HELLS: variants seen among roughly 807,000 people sequenced by gnomAD.
HELLS encodes lymphoid-specific helicase.
A neutral mutation model predicts 120.0 loss-of-function variants in HELLS; 32 were observed. The observed-to-expected ratio is 0.27, with a 90% CI of 0.20 to 0.36. HELLS has a LOEUF of 0.36. Ranked by LOEUF, HELLS falls within the 10% of genes least tolerant of loss-of-function variation. The probability of loss-of-function intolerance (pLI) is 1.00; values close to 1 mark genes in which losing one functional copy is unlikely to be tolerated. For missense variants in HELLS, 650 were observed against 993.4 expected, an observed-to-expected ratio of 0.65 and a Z score of 4.65; for synonymous variants, 341 against 323.4, an observed-to-expected ratio of 1.05 and a Z score of -0.58.
At chr10:94,585,886 T>C (rs1157716818) in intron 12 of HELLS, among the ~76,000 whole-genome samples, 1 of 152,220 alleles carries the variant, frequency 6.6e-6, no homozygotes, top group South Asian at 2.1e-4. Flanking sequence ...TTTTGGTAGA[T>C]GGGTCTTGTA....
intron 9 of HELLS, among the ~76,000 whole-genome samples, chr10:94,608,395 A>T (rs569356566): frequency 6.6e-6 from 1 of 152,104 alleles, no homozygotes; most frequent in Non-Finnish European, 1.5e-5. Flanking sequence ...ATTCTTCTAT[A>T]TCCTTCACTG....
intron 8 of HELLS, 32 bp from the exon 9 acceptor site, chr10:94,574,522 A>G (rs749467555): frequency 6.6e-7 from 1 of 1,505,912 alleles, no homozygotes; most frequent in South Asian, 1.2e-5. Context: ...TTTATATCCA[A>G]GTTTAAATAC....
downstream of HELLS, among the ~76,000 whole-genome samples, chr10:94,604,092 C>T (rs1846099410): frequency 1.4e-5 from 2 of 147,618 alleles, no homozygotes; most frequent in Admixed American, 1.4e-4. Flanking sequence ...TCCCAAAGTG[C>T]TGGGATTGCA....
Position 94,554,121 on chromosome 10 carries a change from G to A in HELLS, c.154-5G>A, listed in dbSNP as rs1159980718. 2 of 1,552,296 alleles carry A rather than the reference G, an allele frequency of 1.3e-6. No homozygotes were observed. Among genetic ancestry groups the A allele is most frequent in the Non-Finnish European group, 8.7e-7 (1 of 1,155,720 alleles). On this transcript the variant is annotated splice_region_variant and splice_polypyrimidine_tract_variant and intron_variant, in intron 2 of 21. Transcript: ENST00000348459. Reference sequence around the variant, plus strand: ...CATAATTATGGAAATTTTCTCTTTGGATAGGCTCGCATGTCTTGGGATAGA... The same window carrying A: ...CATAATTATGGAAATTTTCTCTTTGAATAGGCTCGCATGTCTTGGGATAGA...
intron 6 of HELLS, among the ~76,000 whole-genome samples, chr10:94,566,028 G>C (rs1359611760): frequency 6.6e-6 from 1 of 152,042 alleles, no homozygotes; most frequent in Non-Finnish European, 1.5e-5. Context: ...CAGTAGCAGG[G>C]ACTACATGCC....
intron 12 of HELLS, among the ~76,000 whole-genome samples, chr10:94,585,703 T>G (rs1195128976): frequency 6.6e-6 from 1 of 151,720 alleles, no homozygotes; most frequent in Non-Finnish European, 1.5e-5. Flanking sequence ...TTTTTTTTTT[T>G]TTTAGAGACA....
chr10:94,553,397 C>T (rs201089707), intron 2 of HELLS, among the ~76,000 whole-genome samples: 19 of 151,900 alleles, frequency 1.3e-4, no homozygotes, highest in South Asian at 8.3e-4. Context: ...TACAGGCATG[C>T]GCCACCACGT....
In HELLS at chr10:94,596,972, T is replaced by G. The variant is rs1564618600; in HGVS notation, c.2345+16T>G. 1 of 1,464,870 alleles carries G rather than the reference T, an allele frequency of 6.8e-7. No individual in the cohort carries two copies. The highest frequency in any genetic ancestry group is 1.8e-5 in the Admixed American group (1 of 56,306). The allele number at this position is 1,464,870 out of a possible 1,614,324, so 90.7% of individuals were successfully genotyped here. On this transcript the variant is annotated intron_variant, in intron 20 of 21. Transcript: ENST00000348459. ...ATTATGAAAGGTGAGTTTTTAATTT[T>G]AGAAAGATTTAATTTGTAGCTTTGA...
intron 6 of HELLS, 72 bp downstream of exon 6, chr10:94,562,948 C>G (rs1843626668): frequency 1.2e-6 from 1 of 854,846 alleles, no homozygotes; most frequent in South Asian, 1.6e-5. Flanking sequence ...CACCTTAAAT[C>G]TGTAAAGATT....
chr10:94,601,185 T>A (rs1192961824), intron 21 of HELLS, among the ~76,000 whole-genome samples: 1 of 152,178 alleles, frequency 6.6e-6, no homozygotes, highest in Non-Finnish European at 1.5e-5. Context: ...GGCCTCTTTT[T>A]AAAACGTTTC....
intron 4 of HELLS, among the ~76,000 whole-genome samples, chr10:94,562,165 A>G (rs1412651740): frequency 6.6e-6 from 1 of 151,846 alleles, no homozygotes; most frequent in Non-Finnish European, 1.5e-5. Flanking sequence ...GCACTTGGGG[A>G]GGCCTAGGCG....
intron 18 of HELLS, among the ~76,000 whole-genome samples, chr10:94,594,037 G>A (rs1845629623): frequency 2.7e-5 from 4 of 149,414 alleles, no homozygotes; most frequent in Admixed American, 2.7e-4. Context: ...ATTAAGTGCT[G>A]GGATTACCAG....
intron 3 of HELLS, among the ~76,000 whole-genome samples, chr10:94,556,020 G>T (rs74150821): frequency 6.6e-6 from 1 of 152,322 alleles, no homozygotes; most frequent in Admixed American, 6.5e-5. Flanking sequence ...AGAGGGGCTT[G>T]TGGGAACCCT....
rs1436211706 is a variant in HELLS, at chr10:94,580,144, TATATATATATATATATATACACAC to T, written c.1033-1180_1033-1157del. ...ATATATATATATATATATATATATA[TATATATATATATATATATACACAC>T]ACACACACACACACACATTTTTTTT... On this transcript the variant is annotated intron_variant, in intron 10 of 21. Coordinates refer to ENST00000348459, the MANE Select transcript of HELLS (RefSeq NM_018063.5). Among the ~76,000 whole-genome samples the T allele has an allele frequency of 1.4e-3, 83 of 57,548 alleles. 2 individuals are homozygous for T. The highest frequency in any genetic ancestry group is 7.2e-3 in the African/African-American group (76 of 10,516). The allele number at this position is 57,548 out of a possible 152,430, so 37.8% of individuals were successfully genotyped here.
chr10:94,600,150 G>A (rs1165365921), intron 21 of HELLS, among the ~76,000 whole-genome samples: 1 of 152,108 alleles, frequency 6.6e-6, no homozygotes, highest in Non-Finnish European at 1.5e-5. Flanking sequence ...AATTAGCGGG[G>A]CATGGAGGCA....
chr10:94,579,645 G>A (rs1172023535), intron 10 of HELLS, among the ~76,000 whole-genome samples: 1 of 151,504 alleles, frequency 6.6e-6, no homozygotes, highest in Non-Finnish European at 1.5e-5. Flanking sequence ...GGGCTCAAGT[G>A]ATTCTCCTAC....
In HELLS at chr10:94,597,118, A is replaced by G. The variant is rs1443901471; in HGVS notation, c.2422+7A>G. ...GATCGAAGTGATCTTATTGGTAAGT[A>G]TTATGCTTTTTTTTAATGGAAGCTT... On this transcript the variant is annotated splice_region_variant and intron_variant, in intron 21 of 21. Transcript: ENST00000348459. 1.3e-6 allele frequency: 2 copies of G among 1,531,202 alleles called. No homozygotes were observed. The highest frequency in any genetic ancestry group is 2.3e-5 in the East Asian group (1 of 44,318). 94.9% of individuals were successfully genotyped at this position (1,531,202 alleles called of 1,614,324 possible).
intron 6 of HELLS, 74 bp from the exon 7 acceptor site, chr10:94,571,314 T>C: frequency 8.2e-7 from 1 of 1,217,518 alleles, no homozygotes; most frequent in Non-Finnish European, 1.2e-6. Context: ...GAGCACAGAA[T>C]AAATGCTTGT....
chr10:94,575,352 G>A (rs1236673962), intron 9 of HELLS, among the ~76,000 whole-genome samples: 1 of 151,630 alleles, frequency 6.6e-6, no homozygotes, highest in East Asian at 1.9e-4. Context: ...GCCCACTTTG[G>A]CCTCTCAAAG....
Sources: gnomAD v4.1 joint callset for allele counts (sites outside exome capture counted in the v4.1 genomes callset) on GRCh38, gnomAD v4.1.1 for gene constraint, MANE v1.5 for transcripts, NCBI Gene and HGNC (gene_info 2026-07-23, HGNC 2026-07-21) for gene names.